The following CLNK variants were observed in gnomAD, a reference collection of about 807,000 sequenced individuals.
CLNK encodes cytokine-dependent hematopoietic cell linker.
Under a neutral mutation model 68.6 loss-of-function variants are expected in CLNK, and 74 were observed. That is an observed-to-expected ratio of 1.08 (90% CI 0.89 to 1.31). The LOEUF (loss-of-function observed/expected upper bound fraction) is 1.31. CLNK is among the 50% of genes most tolerant of loss of function. The pLI, the probability that CLNK is intolerant of heterozygous loss-of-function variation, is 0.00. For synonymous variants in CLNK, 198 were observed against 172.2 expected (o/e 1.15, Z -1.17); for missense variants, 553 against 515.3 (o/e 1.07, Z -0.71).
chr4:10,508,592 T>G (rs1717416584), intron 16 of CLNK, among the ~76,000 whole-genome samples: 1 of 152,160 alleles, frequency 6.6e-6, no homozygotes, highest in South Asian at 2.1e-4. Flanking sequence ...AAATCCAGAC[T>G]AACTGGGAGA....
At chr4:10,527,858 C>G (rs546260645) in intron 13 of CLNK, among the ~76,000 whole-genome samples, 1 of 152,232 alleles carries the variant, frequency 6.6e-6, no homozygotes, top group South Asian at 2.1e-4. Flanking sequence ...AGACATCTGG[C>G]CTATCCTGGA....
At position 10,486,737 on chromosome 4, in the gene CLNK, A is replaced by T. The variant is rs564277282; in HGVS notation, c.*3730T>A. 1 of 152,276 alleles carries T rather than the reference A, an allele frequency of 6.6e-6. No individual in the cohort carries two copies. Among genetic ancestry groups the T allele is most frequent in the African/African-American group, 2.4e-5 (1 of 41,550 alleles). The allele number at this position is 152,276 out of a possible 1,614,324, so 9.4% of individuals were successfully genotyped here. On this transcript the variant is annotated 3_prime_UTR_variant, in exon 19 of 19. Transcript: ENST00000226951. ...CATAAATAAGTTTGGGAAAATTTTAAATTTTCTCACTTAGGACTTTTCAAA... is the reference window on the plus strand; with the variant it reads ...CATAAATAAGTTTGGGAAAATTTTATATTTTCTCACTTAGGACTTTTCAAA...
intron 2 of CLNK, among the ~76,000 whole-genome samples, chr4:10,667,510 C>A (rs1319503473): frequency 6.6e-6 from 1 of 151,706 alleles, no homozygotes; most frequent in East Asian, 1.9e-4. Context: ...CAGGCTTTCT[C>A]CTGTGGGAAA....
At chr4:10,699,454 T>C in the CLNK span, among the ~76,000 whole-genome samples, 2 of 131,376 alleles carry the variant, frequency 1.5e-5, no homozygotes, top group African/African-American at 2.8e-5. Context: ...ATAACCTATG[T>C]ACATCCTCTC....
chr4:10,580,063 TA>T (rs1720720085), intron 4 of CLNK, among the ~76,000 whole-genome samples: 1 of 152,134 alleles, frequency 6.6e-6, no homozygotes, highest in Non-Finnish European at 1.5e-5. Flanking sequence ...TCTTGCCTAT[TA>T]AACTCTCTAC....
chr4:10,687,706 A>G (rs1385326210), upstream of CLNK, among the ~76,000 whole-genome samples: 1 of 151,902 alleles, frequency 6.6e-6, no homozygotes, highest in South Asian at 2.1e-4. Flanking sequence ...CACAGAAGCA[A>G]CAAAAGAGGC....
chr4:10,716,029 A>G, the CLNK span, among the ~76,000 whole-genome samples: 2 of 152,202 alleles, frequency 1.3e-5, no homozygotes, highest in Admixed American at 1.3e-4. Context: ...TTTTAATAAT[A>G]TATAACGAAG....
At chr4:10,717,344 C>T in the CLNK span, among the ~76,000 whole-genome samples, 1 of 152,170 alleles carries the variant, frequency 6.6e-6, no homozygotes, top group Non-Finnish European at 1.5e-5. Context: ...GCCTGTAATC[C>T]CAGCACTTTG....
At chr4:10,647,377 G>T (rs1560260959) in intron 2 of CLNK, among the ~76,000 whole-genome samples, 2 of 152,224 alleles carry the variant, frequency 1.3e-5, no homozygotes, top group South Asian at 4.2e-4. Flanking sequence ...TGAGCTGGTG[G>T]ATTTTGAAGT....
intron 11 of CLNK, among the ~76,000 whole-genome samples, chr4:10,533,457 A>G (rs1284687009): frequency 6.6e-6 from 1 of 152,182 alleles, no homozygotes; most frequent in Non-Finnish European, 1.5e-5. Flanking sequence ...TCACAGTTGA[A>G]GGCTATTGAT....
intron 2 of CLNK, among the ~76,000 whole-genome samples, chr4:10,641,416 T>C (rs963782664): frequency 6.6e-6 from 1 of 152,104 alleles, no homozygotes; most frequent in African/African-American, 2.4e-5. Flanking sequence ...AAGAGGAGCT[T>C]ATGTGGAGTG....
chr4:10,654,410 C>A (rs1414526694), intron 2 of CLNK, among the ~76,000 whole-genome samples: 1 of 65,864 alleles, frequency 1.5e-5, no homozygotes. Flanking sequence ...TATAGAAAGT[C>A]TCTTGGCAAC....
At chr4:10,686,376 T>C (rs1306291616), upstream of CLNK, among the ~76,000 whole-genome samples, 1 of 152,038 alleles carries the variant, frequency 6.6e-6, no homozygotes, top group African/African-American at 2.4e-5. Flanking sequence ...CTGGGACGTA[T>C]TCGACCCATA....
At chr4:10,621,538 A>G (rs886990350) in intron 2 of CLNK, among the ~76,000 whole-genome samples, 4 of 152,194 alleles carry the variant, frequency 2.6e-5, no homozygotes, top group Admixed American at 1.3e-4. Flanking sequence ...TCTGAATCCA[A>G]TCAGATCCAG....
chr4:10,501,312 G>A lies in CLNK; in HGVS notation c.1084C>T (p.Arg362Cys), dbSNP rs190441710. The change falls in exon 18 of 19, where the codon CGC (arginine) becomes TGC (cysteine). Residue 362 changes from arginine to cysteine, a missense_variant. Arg to Cys is a radical substitution (Grantham distance 180). Transcript: ENST00000226951. ...AACTGCTGATTCCTCTCCAGGAAGCGTATTTTTACATTGTAGACTTTGTTC... is the reference window on the plus strand; with the variant it reads ...AACTGCTGATTCCTCTCCAGGAAGCATATTTTTACATTGTAGACTTTGTTC... ...YENKVYNVKI[R>C]FLERNQQFAL... 3,264 of 1,607,184 alleles carry A rather than the reference G, an allele frequency of 2.0e-3. 4 individuals carry two copies. Among genetic ancestry groups the A allele is most frequent in the Non-Finnish European group, 2.6e-3 (3,113 of 1,177,620 alleles).
chr4:10,689,717 A>G (rs917409661), upstream of CLNK, among the ~76,000 whole-genome samples: 5 of 136,038 alleles, frequency 3.7e-5, no homozygotes, highest in East Asian at 2.1e-4. Flanking sequence ...TCAGAGTGCT[A>G]TCTCCTGCAA....
intron 17 of CLNK, 97 bp from the exon 18 acceptor site, chr4:10,501,508 G>A (rs755903864): frequency 2.9e-5 from 37 of 1,268,982 alleles, no homozygotes; most frequent in Non-Finnish European, 4.0e-5. Flanking sequence ...GAGATTCCCA[G>A]ATGGATTTAG....
intron 8 of CLNK, among the ~76,000 whole-genome samples, chr4:10,553,616 T>A (rs540296750): frequency 6.6e-6 from 1 of 152,198 alleles, no homozygotes; most frequent in African/African-American, 2.4e-5. Context: ...CACGCCCAGC[T>A]AATTTTTTTA....
At chr4:10,709,537 C>CA in the CLNK span, among the ~76,000 whole-genome samples, 2 of 152,032 alleles carry the variant, frequency 1.3e-5, no homozygotes, top group Non-Finnish European at 2.9e-5. Flanking sequence ...AAATTAATGG[C>CA]AAAAAATGGC....
Sources: allele counts gnomAD v4.1 joint callset (sites outside exome capture counted in the v4.1 genomes callset), GRCh38; gene constraint gnomAD v4.1.1; transcripts MANE v1.5; gene names NCBI Gene and HGNC (gene_info 2026-07-23, HGNC 2026-07-21).